SSBP3: variants seen among roughly 807,000 people sequenced by gnomAD.
SSBP3 encodes single stranded DNA binding protein 3.
Under a neutral mutation model 69.6 loss-of-function variants are expected in SSBP3, and 5 were observed. The ratio of observed to expected loss-of-function variants is 0.07; its 90% CI spans 0.04 to 0.15. The LOEUF (loss-of-function observed/expected upper bound fraction) is 0.15. Ranked by LOEUF, SSBP3 falls within the 10% of genes least tolerant of loss-of-function variation. SSBP3 has a pLI of 1.00. For missense variants in SSBP3, 312 were observed against 534.0 expected (o/e 0.58, Z 4.10); for synonymous variants, 196 against 193.4 (o/e 1.01, Z -0.11).
chr1:54,243,039 T>C, intron 10 of SSBP3, 196 bp downstream of exon 10: 2 of 619,042 alleles, frequency 3.2e-6, no homozygotes, highest in South Asian at 4.0e-5. Context: ...GCCTGAACCG[T>C]GCCCGGCACA....
In SSBP3 at chr1:54,258,976, G is replaced by A. The variant is rs539133023; in HGVS notation, c.367-827C>T. 1.3e-5 allele frequency among the ~76,000 whole-genome samples: 2 copies of A among 152,196 alleles called. No individual in the cohort carries two copies. Among genetic ancestry groups the A allele is most frequent in the Non-Finnish European group, 2.9e-5 (2 of 68,032 alleles). On this transcript the variant is annotated intron_variant, in intron 5 of 17. Transcript: ENST00000610401. This position sits in a 1 kb window ranked among gnomAD's most constrained non-coding sequence, Gnocchi z 4.5. The stretch of plus-strand genomic sequence containing the variant: ...GCAGAGCTGGGATGAGAAGCCCCAT[G>A]GGTCCAAGGCCCATCTCCAGCCCTG...
At chr1:54,340,394 C>T (rs980689037) in intron 4 of SSBP3, among the ~76,000 whole-genome samples, 2 of 152,206 alleles carry the variant, frequency 1.3e-5, no homozygotes, top group African/African-American at 4.8e-5. Context: ...TGTAGAGGCT[C>T]AGGGGTTCTG....
chr1:54,287,622 C>T (rs1645514985), intron 4 of SSBP3, among the ~76,000 whole-genome samples: 2 of 151,920 alleles, frequency 1.3e-5, no homozygotes, highest in African/African-American at 2.4e-5. Flanking sequence ...AAGACAGGGG[C>T]TTCTGTGCAA....
At chr1:54,274,142 C>T (rs994048337) in intron 5 of SSBP3, among the ~76,000 whole-genome samples, 2 of 152,196 alleles carry the variant, frequency 1.3e-5, no homozygotes, top group African/African-American at 4.8e-5. Flanking sequence ...TGCAGGGAAG[C>T]AGAGAGGGCC....
intron 4 of SSBP3, among the ~76,000 whole-genome samples, chr1:54,355,756 C>T (rs7552342): frequency 0.36 from 54,003 of 152,062 alleles, 10,488 homozygotes; most frequent in African/African-American, 0.51. Context: ...TCCCTCTTTA[C>T]GTGAGGTGGT....
intron 4 of SSBP3, among the ~76,000 whole-genome samples, chr1:54,304,904 A>G (rs1286142990): frequency 6.6e-6 from 1 of 152,162 alleles, no homozygotes; most frequent in Admixed American, 6.5e-5. Context: ...ACACATTCTC[A>G]GAGCCTGGAA....
intron 1 of SSBP3, among the ~76,000 whole-genome samples, chr1:54,412,236 G>T (rs1243454357): frequency 6.6e-6 from 1 of 152,042 alleles, no homozygotes; most frequent in African/African-American, 2.4e-5. Flanking sequence ...GGCTGAGGCA[G>T]AAGAATCGCT....
At chr1:54,393,542 C>T (rs907477074) in intron 4 of SSBP3, among the ~76,000 whole-genome samples, 2 of 152,156 alleles carry the variant, frequency 1.3e-5, no homozygotes, top group African/African-American at 4.8e-5. Flanking sequence ...ATAATCCCAG[C>T]ACTTTGAGAG....
chr1:54,335,452 G>C lies in SSBP3; in HGVS notation c.277-53925C>G, dbSNP rs192009227. On this transcript the variant is annotated intron_variant, in intron 4 of 17. Transcript: ENST00000610401. ...AACCACCTTCCAGACTCTGGGCCCC[G>C]GCAACTGTGATCCATGTCAAGAACC... Among the ~76,000 whole-genome samples the C allele has an allele frequency of 1.1e-4, 17 of 152,284 alleles. No homozygotes were observed. In the East Asian group the frequency reaches 3.3e-3, roughly 29 times the overall value.
chr1:54,252,163 G>A (rs1188492514), intron 7 of SSBP3, among the ~76,000 whole-genome samples: 1 of 152,172 alleles, frequency 6.6e-6, no homozygotes, highest in Admixed American at 6.5e-5. Context: ...TGAGGCAGGA[G>A]ACCAAGTTCT....
chr1:54,340,098 A>G (rs1028656306), intron 4 of SSBP3, among the ~76,000 whole-genome samples: 1 of 152,056 alleles, frequency 6.6e-6, no homozygotes, highest in Non-Finnish European at 1.5e-5. Context: ...CAAGGAAGGC[A>G]TTTGCTTTTT....
intron 5 of SSBP3, among the ~76,000 whole-genome samples, chr1:54,281,230 G>A (rs1645386065): frequency 6.6e-6 from 1 of 152,216 alleles, no homozygotes; most frequent in South Asian, 2.1e-4. Flanking sequence ...CAATGCAGGA[G>A]GTTTCTGCTT....
chr1:54,401,600 TACA>T (rs1430304193), intron 4 of SSBP3, among the ~76,000 whole-genome samples: 1 of 152,184 alleles, frequency 6.6e-6, no homozygotes, highest in African/African-American at 2.4e-5. Flanking sequence ...CTGAGTCCTG[TACA>T]ACACCATTTA....
At chr1:54,279,071 G>A (rs540694381) in intron 5 of SSBP3, among the ~76,000 whole-genome samples, 2 of 152,306 alleles carry the variant, frequency 1.3e-5, no homozygotes, top group African/African-American at 4.8e-5. Context: ...CCATCCCCCT[G>A]CATCTGACTG....
chr1:54,411,643 G>A lies in SSBP3; in HGVS notation c.-275+1713C>T, dbSNP rs140406959. Among the ~76,000 whole-genome samples, 642 of 151,258 alleles carry A rather than the reference G, an allele frequency of 4.2e-3. 2 individuals are homozygous for A. Among genetic ancestry groups the A allele is most frequent in the Non-Finnish European group, 4.6e-3 (314 of 67,762 alleles). ...CGCGGTGGTTCACGCCTGTAATCCC[G>A]GCACTTGTGGAGGCCGAGGCAGGCA... On this transcript the variant is annotated intron_variant, in intron 1 of 8. Transcript: ENST00000525990.
chr1:54,408,943 G>C (rs1176332292), upstream of SSBP3, among the ~76,000 whole-genome samples: 1 of 152,188 alleles, frequency 6.6e-6, no homozygotes, highest in Non-Finnish European at 1.5e-5. Context: ...GGCAGAGAGA[G>C]CAGGGAGAGT....
At chr1:54,330,536 G>A (rs898502060) in intron 4 of SSBP3, among the ~76,000 whole-genome samples, 2 of 152,096 alleles carry the variant, frequency 1.3e-5, no homozygotes, top group Admixed American at 6.5e-5. Context: ...GAGCAAGGGC[G>A]ACCGCTTTGT....
chr1:54,258,020 C>T lies in SSBP3; in HGVS notation c.447+49G>A. The T allele has an allele frequency of 6.5e-7, 1 of 1,535,758 alleles. No individual in the cohort carries two copies. Among genetic ancestry groups the T allele is most frequent in the South Asian group, 1.2e-5 (1 of 83,168 alleles). ...TTTTTCCTCTGCGGGCTCTCTGCTT[C>T]CTCCGCGCCCCGCGTCCCCGGCGGG... On this transcript the variant is annotated intron_variant, in intron 6 of 17. Transcript: ENST00000610401. This position sits in a 1 kb window ranked among gnomAD's most constrained non-coding sequence, Gnocchi z 4.5.
intron 5 of SSBP3, among the ~76,000 whole-genome samples, chr1:54,259,195 G>C (rs905419977): frequency 2.0e-5 from 3 of 151,456 alleles, no homozygotes; most frequent in Admixed American, 6.6e-5. Context: ...ATGGGCAGAT[G>C]AATTCACTTC....
Sources: allele counts gnomAD v4.1 joint callset (sites outside exome capture counted in the v4.1 genomes callset), GRCh38; gene constraint gnomAD v4.1.1; non-coding constraint Gnocchi (gnomAD v3.1); transcripts MANE v1.5; gene names NCBI Gene and HGNC (gene_info 2026-07-23, HGNC 2026-07-21).